Variants in IMPDH1 observed in about 807,000 individuals in gnomAD.
The protein encoded by IMPDH1 is inosine monophosphate dehydrogenase 1.
In IMPDH1, 41 loss-of-function variants were observed where a neutral mutation model predicts 73.5. The ratio of observed to expected loss-of-function variants is 0.56; its 90% confidence interval spans 0.43 to 0.72. IMPDH1 has a LOEUF of 0.72. Among genes scored for constraint, IMPDH1 ranks in the 30% least tolerant of loss-of-function variants. IMPDH1 has a pLI of 0.00. For synonymous variants in IMPDH1, 318 were observed against 334.3 expected, an observed-to-expected ratio of 0.95 and a Z score of 0.53; for missense variants, 645 against 824.8, an observed-to-expected ratio of 0.78 and a Z score of 2.67.
At position 128,394,314 on chromosome 7, in the gene IMPDH1, G is replaced by A. The variant is rs777660613; in HGVS notation, c.1742C>T (p.Ser581Leu). The change falls in exon 16 of 17, where the codon TCG becomes TTG. Residue 581 changes from serine to leucine, a missense_variant. Physicochemically the swap from Ser to Leu is moderately radical, Grantham distance 145. Coordinates refer to ENST00000338791, the MANE Select transcript of IMPDH1 (RefSeq NM_000883.4). This position sits in a 1 kb window ranked among gnomAD's most constrained non-coding sequence, Gnocchi z 5.5. ...ATGGACACCACCCTCAATCTGGGCC[G>A]ACATGGTCCGCTTCTCAAACTTGAG... ...GELKFEKRTM[S>L]AQIEGGVHGL... The A allele has an allele frequency of 7.1e-5, 115 of 1,613,914 alleles. No individual in the cohort carries two copies. The highest frequency in any genetic ancestry group is 9.2e-5 in the Non-Finnish European group (109 of 1,179,990).
rs1292931156 is a variant in IMPDH1 at position 128,409,474 on chromosome 7, C to A, written c.157G>T (p.Asp53Tyr). ...GGTGTCGTCGGGTGTGTAGCGAGGT[C>A]CAATCTAGGGCTAAGATTTTAGGGA... Reference protein sequence around the residue: ...AGYEPESPRLDLATHPTTPRS... With the variant: ...AGYEPESPRLYLATHPTTPRS... Residue 53 changes from aspartate (D) to tyrosine (Y), a missense_variant, in exon 2 of 17, where the codon GAC becomes TAC. Coordinates refer to ENST00000338791, the MANE Select transcript of IMPDH1 (RefSeq NM_000883.4). 2.5e-6 allele frequency: 4 copies of A among 1,614,176 alleles called. No individual in the cohort carries two copies. The highest frequency in any genetic ancestry group is 3.4e-6 in the Non-Finnish European group (4 of 1,180,012).
chr7:128,394,180 C>G lies in IMPDH1; in HGVS notation c.1778+98G>C. 1 of 958,826 alleles carries G rather than the reference C, an allele frequency of 1.0e-6. No homozygotes were observed. Among genetic ancestry groups the G allele is most frequent in the South Asian group, 1.3e-5 (1 of 76,788 alleles). The allele number at this position is 958,826 out of a possible 1,614,324, so 59.4% of individuals were successfully genotyped here. On this transcript the variant is annotated intron_variant, in intron 16 of 16. Transcript: ENST00000338791. The surrounding 1 kb of genome is among the most constrained non-coding windows in gnomAD (Gnocchi z 5.5). ...AGCATCTGTCCCTGCTGCAGGTGGT[C>G]CATGGGGTCCCTGGAACCTCAGCTT... is the stretch of plus-strand genomic sequence containing the variant.
Position 128,395,029 on chromosome 7 carries a change from C to T in IMPDH1, c.1410G>A (p.Met470Ile), listed in dbSNP as rs1281061691. 6 of 1,613,882 alleles carry T rather than the reference C, an allele frequency of 3.7e-6. No individual in the cohort carries two copies. The highest frequency in any genetic ancestry group is 4.2e-6 in the Non-Finnish European group (5 of 1,180,040). Reference sequence around the variant, plus strand: ...TAGTGGCGGCCAGCAGGGAGCCCATCATCACTACAGTGGGCAAGGGATTAG... The same window carrying T: ...TAGTGGCGGCCAGCAGGGAGCCCATTATCACTACAGTGGGCAAGGGATTAG... The part of the protein sequence containing the change: ...KALALGASTV[M>I]MGSLLAATTE... Residue 470 changes from methionine (M) to isoleucine (I), a missense_variant, in exon 14 of 17, where the codon ATG (methionine) becomes ATA (isoleucine). By Grantham distance (10) the Met-to-Ile change is conservative. Transcript: ENST00000338791.
intron 3 of IMPDH1, among the ~76,000 whole-genome samples, chr7:128,408,894 C>CTTAAGCCG (rs1267183624): frequency 6.6e-6 from 1 of 152,162 alleles, no homozygotes; most frequent in African/African-American, 2.4e-5. Context: ...CGAGGAGCCC[C>CTTAAGCCG]TTAAGCCGTT....
chr7:128,396,462 G>C lies in IMPDH1; in HGVS notation c.1261+138C>G. The stretch of plus-strand genomic sequence containing the variant: ...TCCCCTAAGTCAGTGGGCCCGATGG[G>C]GTGGGGCCCATGCCTGGGTCACCCC... On this transcript the variant is annotated intron_variant, in intron 12 of 16. Coordinates refer to ENST00000338791, the MANE Select transcript of IMPDH1 (RefSeq NM_000883.4). The surrounding 1 kb of genome is among the most constrained non-coding windows in gnomAD (Gnocchi z 4.0). 1.3e-6 allele frequency: 1 copy of C among 745,114 alleles called. No individual in the cohort carries two copies. Among genetic ancestry groups the C allele is most frequent in the African/African-American group, 1.7e-5 (1 of 57,910 alleles). 46.2% of individuals were successfully genotyped at this position (745,114 alleles called of 1,614,324 possible).
At position 128,409,365 on chromosome 7, in the gene IMPDH1, A is replaced by C; in HGVS notation, c.191-13T>G. 6.2e-7 allele frequency: 1 copy of C among 1,614,218 alleles called. No homozygotes were observed. Among genetic ancestry groups the C allele is most frequent in the South Asian group, 1.1e-5 (1 of 91,086 alleles). ...ACTGAAGATAGTTCTAGGAGGAAAC[A>C]GCTAAGGAGGGGTAAGCCAAGTCAG... On this transcript the variant is annotated splice_polypyrimidine_tract_variant and intron_variant, in intron 2 of 16. Transcript: ENST00000338791.
Position 128,398,627 on chromosome 7 carries a change from C to CA in IMPDH1, c.875-15dup. 1.2e-6 allele frequency: 2 copies of CA among 1,609,594 alleles called. No individual in the cohort carries two copies. The highest frequency in any genetic ancestry group is 2.2e-5 in the South Asian group (2 of 91,028). The stretch of plus-strand genomic sequence containing the variant: ...TAGGCAGCTTCCCTGACAAGGAATG[C>CA]AGGGGTGAAATGAAGCAGGCTTGGT... On this transcript the variant is annotated splice_polypyrimidine_tract_variant and intron_variant, in intron 9 of 16. Transcript: ENST00000338791. This position sits in a 1 kb window ranked among gnomAD's most constrained non-coding sequence, Gnocchi z 4.3.
Position 128,393,000 on chromosome 7 carries a change from G to T in IMPDH1, c.*7C>A. On this transcript the variant is annotated 3_prime_UTR_variant, in exon 17 of 17. Transcript: ENST00000338791. The stretch of plus-strand genomic sequence containing the variant: ...CCCCTCCACCACCTCGGCCTCCACC[G>T]CTGTCCTCAGTACAGCCGCTTTTCG... The T allele has an allele frequency of 6.2e-7, 1 of 1,613,734 alleles. No individual in the cohort carries two copies. The highest frequency in any genetic ancestry group is 8.5e-7 in the Non-Finnish European group (1 of 1,179,746).
Position 128,394,408 on chromosome 7 carries a change from A to C in IMPDH1, c.1695-47T>G. 1.9e-6 allele frequency: 3 copies of C among 1,613,778 alleles called. No homozygotes were observed. Among genetic ancestry groups the C allele is most frequent in the East Asian group, 4.5e-5 (2 of 44,868 alleles). On this transcript the variant is annotated intron_variant, in intron 15 of 16. Coordinates refer to ENST00000338791, the MANE Select transcript of IMPDH1 (RefSeq NM_000883.4). This position sits in a 1 kb window ranked among gnomAD's most constrained non-coding sequence, Gnocchi z 5.5. ...CAGATCAGGGCCACCAAGGGTGGAG[A>C]AGAGCGAGAGAAAGGAAGCAGGAGC...
At position 128,392,779 on chromosome 7, in the gene IMPDH1, C is replaced by G. The variant is rs72624976; in HGVS notation, c.*228G>C. On this transcript the variant is annotated 3_prime_UTR_variant, in exon 17 of 17. Coordinates refer to ENST00000338791, the MANE Select transcript of IMPDH1 (RefSeq NM_000883.4). ...GCCTGAGAGCCTGGCTGGCTGGGCTCGGAGGGGGGCTCCCAGGGCAGCCTG... is the reference window on the plus strand; with the variant it reads ...GCCTGAGAGCCTGGCTGGCTGGGCTGGGAGGGGGGCTCCCAGGGCAGCCTG... 5 of 554,976 alleles carry G rather than the reference C, an allele frequency of 9.0e-6. No homozygotes were observed. Among genetic ancestry groups the G allele is most frequent in the African/African-American group, 1.9e-5 (1 of 52,534 alleles). 34.4% of individuals were successfully genotyped at this position (554,976 alleles called of 1,614,324 possible).
At chr7:128,397,148 GTTGTT>G (rs1028707442) in intron 10 of IMPDH1, 126 bp from the exon 11 acceptor site, 199 of 574,552 alleles carry the variant, frequency 3.5e-4, no homozygotes, top group Non-Finnish European at 4.1e-4. Flanking sequence ...TTTCCTTCTG[GTTGTT>G]TTTTTTTTTT....
intron 8 of IMPDH1, 31 bp downstream of exon 8, chr7:128,400,302 C>T (rs780315974): frequency 7.4e-6 from 12 of 1,611,092 alleles, no homozygotes; most frequent in East Asian, 2.2e-5. Context: ...CCTCTCTACA[C>T]CCAGCCCTGC....
In IMPDH1 at chr7:128,394,663, T is replaced by C. The variant is rs991736523; in HGVS notation, c.1551-64A>G. 4.4e-6 allele frequency: 7 copies of C among 1,596,920 alleles called. No individual in the cohort carries two copies. The African/African-American group carries it at 8.0e-5, about 18-fold the overall frequency. On this transcript the variant is annotated intron_variant, in intron 14 of 16. Coordinates refer to ENST00000338791, the MANE Select transcript of IMPDH1 (RefSeq NM_000883.4). This position sits in a 1 kb window ranked among gnomAD's most constrained non-coding sequence, Gnocchi z 5.5. ...GCTCAGAGGACCCCACCCCACCTCT[T>C]AAGGGCAAAAACGGGATACCGCCCA...
chr7:128,399,755 T>C (rs1008429744), intron 9 of IMPDH1, among the ~76,000 whole-genome samples: 1 of 152,166 alleles, frequency 6.6e-6, no homozygotes, highest in African/African-American at 2.4e-5. Flanking sequence ...GTCAAATAAA[T>C]TTAACTGCAG....
chr7:128,402,984 T>G (rs539724802), intron 5 of IMPDH1, among the ~76,000 whole-genome samples: 1 of 152,304 alleles, frequency 6.6e-6, no homozygotes, highest in East Asian at 1.9e-4. Flanking sequence ...TCTCCATAAT[T>G]TCACTGGCTT....
intron 9 of IMPDH1, among the ~76,000 whole-genome samples, chr7:128,399,646 C>G (rs1336777415): frequency 6.6e-6 from 1 of 151,630 alleles, no homozygotes; most frequent in East Asian, 1.9e-4. Flanking sequence ...GACATTGCGC[C>G]ACTGTACTCC....
Position 128,396,749 on chromosome 7 carries a change from G to T in IMPDH1, c.1166-54C>A. On this transcript the variant is annotated intron_variant, in intron 11 of 16. Coordinates refer to ENST00000338791, the MANE Select transcript of IMPDH1 (RefSeq NM_000883.4). The surrounding 1 kb of genome is among the most constrained non-coding windows in gnomAD (Gnocchi z 4.0). ...ATGTGAGGATGGGATGCCCCTGCCT[G>T]CCCAACAGCCTCTTGGGACCCCAGT... is the stretch of plus-strand genomic sequence containing the variant. The T allele has an allele frequency of 1.4e-6, 2 of 1,438,776 alleles. No individual in the cohort carries two copies. The highest frequency in any genetic ancestry group is 1.9e-6 in the Non-Finnish European group (2 of 1,045,218). The allele number at this position is 1,438,776 out of a possible 1,614,324, so 89.1% of individuals were successfully genotyped here. A position where few individuals can be genotyped will look rare whatever the true frequency, so the allele number is the denominator to read the frequency against.
In IMPDH1 at chr7:128,409,947, G is replaced by A. The variant is rs986246621; in HGVS notation, c.-46C>T. 5 of 1,321,808 alleles carry A rather than the reference G, an allele frequency of 3.8e-6. No homozygotes were observed. Among genetic ancestry groups the A allele is most frequent in the African/African-American group, 1.5e-5 (1 of 64,594 alleles). The allele number at this position is 1,321,808 out of a possible 1,614,324, so 81.9% of individuals were successfully genotyped here. Reference sequence around the variant, plus strand: ...CGGGCGGGAGCCTGGAGGCTCCCGGGGCCCCGGCTGGGCAGTGAGCGCAGC... The same window carrying A: ...CGGGCGGGAGCCTGGAGGCTCCCGGAGCCCCGGCTGGGCAGTGAGCGCAGC... On this transcript the variant is annotated 5_prime_UTR_variant, in exon 1 of 17. Coordinates refer to ENST00000338791, the MANE Select transcript of IMPDH1 (RefSeq NM_000883.4).
In IMPDH1 at chr7:128,405,873, G is replaced by C; in HGVS notation, c.255-8C>G. 1 of 1,520,016 alleles carries C rather than the reference G, an allele frequency of 6.6e-7. No homozygotes were observed. Among genetic ancestry groups the C allele is most frequent in the East Asian group, 2.6e-5 (1 of 37,880 alleles). The allele number at this position is 1,520,016 out of a possible 1,614,324, so 94.2% of individuals were successfully genotyped here. ...ATCAGGTAGTCCGCCATGCTGCCGC[G>C]AGACCCCGCGACCCGACATAAACAC... On this transcript the variant is annotated splice_polypyrimidine_tract_variant and splice_region_variant and intron_variant, in intron 3 of 16. Coordinates refer to ENST00000338791, the MANE Select transcript of IMPDH1 (RefSeq NM_000883.4).
Sources: allele counts gnomAD v4.1 joint callset (sites outside exome capture counted in the v4.1 genomes callset), GRCh38; gene constraint gnomAD v4.1.1; non-coding constraint Gnocchi (gnomAD v3.1); transcripts MANE v1.5; gene names NCBI Gene and HGNC (gene_info 2026-07-23, HGNC 2026-07-21).